The following ZNF385D variants were observed in gnomAD, a reference collection of about 807,000 sequenced individuals.
ZNF385D encodes zinc finger protein 659.
ZNF385D carries 15 observed loss-of-function variants against 35.8 expected under a neutral mutation model. The ratio of observed to expected loss-of-function variants is 0.42; its 90% CI spans 0.28 to 0.64. The LOEUF (loss-of-function observed/expected upper bound fraction) is 0.64. Ranked by LOEUF, ZNF385D falls within the 30% of genes least tolerant of loss-of-function variation. ZNF385D has a pLI of 0.23. For missense variants in ZNF385D, 474 were observed against 494.6 expected, an observed-to-expected ratio of 0.96 and a Z score of 0.39; for synonymous variants, 212 against 186.8, an observed-to-expected ratio of 1.13 and a Z score of -1.10.
At chr3:21,701,197 C>T (rs956838590) in intron 1 of ZNF385D, among the ~76,000 whole-genome samples, 2 of 152,116 alleles carry the variant, frequency 1.3e-5, no homozygotes, top group East Asian at 1.9e-4. Context: ...TAAAGACATA[C>T]CAGAAAGAGA....
At chr3:22,276,469 GATCT>G (rs1332155758) in intron 2 of ZNF385D, among the ~76,000 whole-genome samples, 4 of 152,110 alleles carry the variant, frequency 2.6e-5, no homozygotes, top group Non-Finnish European at 2.9e-5. Context: ...CTGAGACCCA[GATCT>G]ATCAACTCTT....
intron 2 of ZNF385D, among the ~76,000 whole-genome samples, chr3:22,304,475 G>A (rs994633313): frequency 1.3e-5 from 2 of 152,158 alleles, no homozygotes; most frequent in African/African-American, 2.4e-5. Flanking sequence ...TTCCCTTTAC[G>A]TGTTACACAT....
chr3:21,920,158 A>T (rs4417889), intron 3 of ZNF385D, among the ~76,000 whole-genome samples: 1 of 151,714 alleles, frequency 6.6e-6, no homozygotes, highest in Non-Finnish European at 1.5e-5. Context: ...TCCCCCAAAG[A>T]TTAAACTATG....
At chr3:21,752,053 A>C (rs183884199), upstream of ZNF385D, among the ~76,000 whole-genome samples, 116 of 136,002 alleles carry the variant, frequency 8.5e-4, no homozygotes, top group African/African-American at 3.1e-3. Flanking sequence ...CTCTCATTAA[A>C]TTTGAGATGA....
At chr3:22,031,431 C>T (rs781540392) in intron 3 of ZNF385D, among the ~76,000 whole-genome samples, 6 of 152,190 alleles carry the variant, frequency 3.9e-5, no homozygotes, top group Non-Finnish European at 5.9e-5. Flanking sequence ...TCTGCACACC[C>T]GTAGACCCAA....
At chr3:21,560,761 A>G (rs1433508865) in intron 3 of ZNF385D, among the ~76,000 whole-genome samples, 1 of 152,122 alleles carries the variant, frequency 6.6e-6, no homozygotes, top group Non-Finnish European at 1.5e-5. Context: ...CTCTTTCCCC[A>G]GGTGCTCTGT....
At chr3:21,600,788 A>G (rs982474080) in intron 2 of ZNF385D, among the ~76,000 whole-genome samples, 3 of 152,152 alleles carry the variant, frequency 2.0e-5, no homozygotes, top group Non-Finnish European at 1.5e-5. Flanking sequence ...ATGAATATCC[A>G]AAAGAAAAAA....
chr3:21,435,590 A>G (rs1024714644), intron 5 of ZNF385D, among the ~76,000 whole-genome samples: 77 of 152,142 alleles, frequency 5.1e-4, no homozygotes, highest in African/African-American at 1.8e-3. Flanking sequence ...CTCTAGTCTC[A>G]AAGGACATGG....
At chr3:22,049,274 A>C (rs2969109) in intron 3 of ZNF385D, among the ~76,000 whole-genome samples, 59,569 of 150,860 alleles carry the variant, frequency 0.39, 11,872 homozygotes, top group Middle Eastern at 0.46. Context: ...CCAGCCTGGG[A>C]AACAAGAGCG....
intron 3 of ZNF385D, among the ~76,000 whole-genome samples, chr3:21,771,796 C>G (rs1287988867): frequency 6.6e-6 from 1 of 151,682 alleles, no homozygotes; most frequent in Non-Finnish European, 1.5e-5. Context: ...AAATAAATAA[C>G]AAAGATGGAG....
intron 3 of ZNF385D, among the ~76,000 whole-genome samples, chr3:21,798,277 G>A (rs374798723): frequency 6.6e-6 from 1 of 152,112 alleles, no homozygotes; most frequent in Admixed American, 6.5e-5. Flanking sequence ...GGCCTCACTC[G>A]GCTGAAATCA....
rs553807759 is a variant in ZNF385D at position 21,742,956 on chromosome 3, A to G, written c.22+7939T>C. 2.9e-3 allele frequency among the ~76,000 whole-genome samples: 447 copies of G among 152,386 alleles called. 1 individual carries two copies. Among genetic ancestry groups the G allele is most frequent in the Middle Eastern group, 6.8e-3 (2 of 294 alleles). On this transcript the variant is annotated intron_variant, in intron 1 of 7. Transcript: ENST00000281523. ...AAAAAGAAATAAAGAATTAAGCTTA[A>G]CTGTTTACCATGTACTTTCCAGTGC...
chr3:21,462,675 G>A (rs1000628054), intron 4 of ZNF385D, among the ~76,000 whole-genome samples: 2 of 152,132 alleles, frequency 1.3e-5, no homozygotes, highest in Admixed American at 1.3e-4. Context: ...ACACAAGTAA[G>A]CAAAAAAGCT....
At chr3:21,616,237 C>G (rs2064842735) in intron 2 of ZNF385D, among the ~76,000 whole-genome samples, 1 of 152,222 alleles carries the variant, frequency 6.6e-6, no homozygotes, top group South Asian at 2.1e-4. Context: ...GATGAGAACA[C>G]ACAATATCAG....
chr3:21,724,477 CAAAAAAAAAAAAAAAAAAAAAAAAA>C (rs200803155), intron 1 of ZNF385D, among the ~76,000 whole-genome samples: 15 of 52,016 alleles, frequency 2.9e-4, no homozygotes, highest in African/African-American at 4.8e-4. Flanking sequence ...AATGGAAAGC[CAAAAAAAAAAAAAAAAAAAAAAAAA>C]AAAAAAAAAA....
At chr3:21,784,338 AT>A (rs1382493752) in intron 3 of ZNF385D, among the ~76,000 whole-genome samples, 1 of 152,180 alleles carries the variant, frequency 6.6e-6, no homozygotes, top group East Asian at 1.9e-4. Flanking sequence ...ACTCTGAAAA[AT>A]ATGAGCACAA....
chr3:22,362,962 G>C (rs2125515203), intron 2 of ZNF385D, among the ~76,000 whole-genome samples: 2 of 152,156 alleles, frequency 1.3e-5, no homozygotes, highest in East Asian at 3.9e-4. Flanking sequence ...AATCTCTACT[G>C]TCACAGAACT....
At chr3:22,126,024 A>G (rs901025449) in intron 3 of ZNF385D, among the ~76,000 whole-genome samples, 2 of 152,090 alleles carry the variant, frequency 1.3e-5, no homozygotes, top group African/African-American at 4.8e-5. Context: ...ATTTTTTTCC[A>G]TTCAGCATGA....
intron 4 of ZNF385D, among the ~76,000 whole-genome samples, chr3:21,492,022 G>A (rs1420029925): frequency 6.6e-6 from 1 of 152,126 alleles, no homozygotes; most frequent in East Asian, 1.9e-4. Flanking sequence ...TACCATATAT[G>A]TAATTTTTCA....
Sources: gnomAD v4.1 joint callset for allele counts (sites outside exome capture counted in the v4.1 genomes callset) on GRCh38, gnomAD v4.1.1 for gene constraint, MANE v1.5 for transcripts, NCBI Gene and HGNC (gene_info 2026-07-23, HGNC 2026-07-21) for gene names.